The following DCDC2C variants were observed in gnomAD, a reference collection of about 807,000 sequenced individuals.
DCDC2C encodes doublecortin domain containing 2C, also known as doublecortin domain-containing protein 2C.
In DCDC2C, 44 loss-of-function variants were observed where a neutral mutation model predicts 45.0. The observed-to-expected ratio is 0.98, with a 90% CI of 0.77 to 1.26. DCDC2C has a LOEUF of 1.26. Among genes scored for constraint, DCDC2C ranks in the 50% most tolerant of loss-of-function variants. The pLI, the probability that DCDC2C is intolerant of heterozygous loss-of-function variation, is 0.00. For missense variants in DCDC2C, 447 were observed against 468.9 expected (o/e 0.95, Z 0.43); for synonymous variants, 187 against 178.8 (o/e 1.05, Z -0.37).
In DCDC2C at chr2:3,762,605, G is replaced by A. The variant is rs181308428; in HGVS notation, c.727-5149G>A. On this transcript the variant is annotated intron_variant, in intron 6 of 10. Transcript: ENST00000399143. ...AGAGAGAGAGTCGGGGGGAGCAGGG[G>A]AGGTACCACACACTTAACCTGATCT... Among the ~76,000 whole-genome samples, 236 of 152,116 alleles carry A rather than the reference G, an allele frequency of 1.6e-3. 2 individuals carry two copies. Among genetic ancestry groups the A allele is most frequent in the African/African-American group, 5.4e-3 (224 of 41,494 alleles).
chr2:3,708,574 C>G lies in DCDC2C; in HGVS notation c.313C>G (p.Pro105Ala), dbSNP rs1668128356. The change falls in exon 2 of 11, where the codon CCT becomes GCT. Residue 105 changes from proline (P) to alanine (A), a missense_variant. Transcript: ENST00000399143. ...LDYIHIVPRK[P>A]AKIRKLKEIK... Reference sequence around the variant, plus strand: ...TTATATTCATATAGTTCCCCGAAAACCTGCAAAGATAAGGAAGTTGAAGGA... The same window carrying G: ...TTATATTCATATAGTTCCCCGAAAAGCTGCAAAGATAAGGAAGTTGAAGGA... 1.3e-6 allele frequency: 2 copies of G among 1,548,238 alleles called. No homozygotes were observed. Among genetic ancestry groups the G allele is most frequent in the African/African-American group, 2.7e-5 (2 of 72,936 alleles).
intron 8 of DCDC2C, among the ~76,000 whole-genome samples, chr2:3,777,501 A>G (rs1458196133): frequency 6.6e-6 from 1 of 152,256 alleles, no homozygotes; most frequent in African/African-American, 2.4e-5. Flanking sequence ...AGTGATTGAT[A>G]TCACATCGAC....
intron 4 of DCDC2C, 143 bp from the exon 5 acceptor site, chr2:3,752,620 G>A (rs539841046): frequency 2.7e-4 from 267 of 1,003,490 alleles, no homozygotes; most frequent in East Asian, 2.1e-3. Flanking sequence ...TAATTGGCCC[G>A]TTTGGATAAC....
At chr2:3,746,548 T>A (rs1669367622) in intron 4 of DCDC2C, among the ~76,000 whole-genome samples, 2 of 152,224 alleles carry the variant, frequency 1.3e-5, no homozygotes. Context: ...TGAATTTCTC[T>A]GAGGCTAAAG....
intron 8 of DCDC2C, among the ~76,000 whole-genome samples, chr2:3,778,489 C>A (rs1390858904): frequency 6.6e-6 from 1 of 152,174 alleles, no homozygotes; most frequent in Non-Finnish European, 1.5e-5. Context: ...GTCTGCTGAC[C>A]AGGGAGCAGA....
intron 6 of DCDC2C, among the ~76,000 whole-genome samples, chr2:3,766,530 G>C (rs572951216): frequency 1.1e-4 from 17 of 152,178 alleles, no homozygotes; most frequent in African/African-American, 4.1e-4. Flanking sequence ...ATTTCAGCTC[G>C]TAGGAAAACT....
chr2:3,714,984 A>G (rs1324150042), intron 2 of DCDC2C, among the ~76,000 whole-genome samples: 1 of 152,240 alleles, frequency 6.6e-6, no homozygotes, highest in African/African-American at 2.4e-5. Flanking sequence ...AATTTAAAAG[A>G]AAAACATATT....
intron 10 of DCDC2C, among the ~76,000 whole-genome samples, chr2:3,808,186 AG>A (rs1169555798): frequency 6.6e-6 from 1 of 152,206 alleles, no homozygotes; most frequent in Non-Finnish European, 1.5e-5. Flanking sequence ...CAGCCTCACC[AG>A]CAGCTTTCTT....
intron 5 of DCDC2C, among the ~76,000 whole-genome samples, chr2:3,753,946 G>T (rs550420317): frequency 2.0e-5 from 3 of 152,086 alleles, no homozygotes; most frequent in African/African-American, 7.2e-5. Context: ...GACTTAATTC[G>T]TGCTAATAGT....
intron 4 of DCDC2C, among the ~76,000 whole-genome samples, chr2:3,751,743 C>T (rs1376317373): frequency 5.9e-5 from 9 of 152,234 alleles, no homozygotes; most frequent in African/African-American, 1.7e-4. Context: ...ATTCCTTCCT[C>T]TCAGGCTCTT....
At chr2:3,784,264 A>G (rs915216177) in intron 9 of DCDC2C, among the ~76,000 whole-genome samples, 2 of 152,190 alleles carry the variant, frequency 1.3e-5, no homozygotes, top group South Asian at 2.1e-4. Context: ...AATACTTCTT[A>G]TTAGGGTCAT....
chr2:3,707,126 A>G (rs530945080), intron 1 of DCDC2C, among the ~76,000 whole-genome samples: 4 of 152,170 alleles, frequency 2.6e-5, no homozygotes, highest in African/African-American at 7.2e-5. Flanking sequence ...AAGCCCACCC[A>G]GCAGGCTTCT....
At chr2:3,742,779 C>T (rs955821120) in intron 4 of DCDC2C, among the ~76,000 whole-genome samples, 3 of 152,206 alleles carry the variant, frequency 2.0e-5, no homozygotes, top group Middle Eastern at 3.2e-3. Flanking sequence ...GAGCACGACA[C>T]TGTCATCATA....
At chr2:3,785,925 C>T (rs1212065005) in intron 10 of DCDC2C, among the ~76,000 whole-genome samples, 1 of 152,110 alleles carries the variant, frequency 6.6e-6, no homozygotes, top group East Asian at 1.9e-4. Context: ...TGTGTGGCTT[C>T]GGGAACACTC....
chr2:3,791,423 G>A (rs1670808508), intron 10 of DCDC2C, among the ~76,000 whole-genome samples: 1 of 152,208 alleles, frequency 6.6e-6, no homozygotes, highest in South Asian at 2.1e-4. Context: ...GGGCTCCATG[G>A]AAGCAGTTTT....
At position 3,769,321 on chromosome 2, in the gene DCDC2C, G is replaced by A; in HGVS notation, c.864G>A (p.Val288=). 2 of 1,550,374 alleles carry A rather than the reference G, an allele frequency of 1.3e-6. No individual in the cohort carries two copies. The highest frequency in any genetic ancestry group is 2.0e-5 in the Admixed American group (1 of 50,992). The change falls in exon 8 of 11, where the codon GTG becomes GTA. Residue 288 remains valine (V), a synonymous_variant. Transcript: ENST00000399143. ...PLVQRGAEGD[V]YKAPTPSKET... ...GTGATTTTCTCCCAGAAGGTGACGT[G>A]TATAAAGCACCGACTCCTAGCAAGG... is the stretch of plus-strand genomic sequence containing the variant.
chr2:3,762,406 TA>T (rs1669903439), intron 6 of DCDC2C, among the ~76,000 whole-genome samples: 1 of 152,110 alleles, frequency 6.6e-6, no homozygotes. Context: ...TACACTGCTA[TA>T]AAGAAATATA....
At chr2:3,757,226 T>C (rs1216378480) in intron 6 of DCDC2C, among the ~76,000 whole-genome samples, 6 of 152,206 alleles carry the variant, frequency 3.9e-5, no homozygotes, top group Non-Finnish European at 7.3e-5. Flanking sequence ...GGTTTTCCAT[T>C]TCTAACTTGT....
At chr2:3,719,261 A>T (rs1017297742) in intron 2 of DCDC2C, among the ~76,000 whole-genome samples, 1 of 151,892 alleles carries the variant, frequency 6.6e-6, no homozygotes, top group African/African-American at 2.4e-5. Context: ...ATTTTTTTGT[A>T]TTTTTAATAG....
Sources: gnomAD v4.1 joint callset for allele counts (sites outside exome capture counted in the v4.1 genomes callset) on GRCh38, gnomAD v4.1.1 for gene constraint, MANE v1.5 for transcripts, NCBI Gene and HGNC (gene_info 2026-07-23, HGNC 2026-07-21) for gene names.